PBX1: variants seen among roughly 807,000 people sequenced by gnomAD.
The protein encoded by PBX1 is pre-B-cell leukemia transcription factor 1.
Under a neutral mutation model 53.4 loss-of-function variants are expected in PBX1, and 6 were observed. The ratio of observed to expected loss-of-function variants is 0.11; its 90% confidence interval spans 0.06 to 0.22. The LOEUF is 0.22. Among genes scored for constraint, PBX1 ranks in the 10% least tolerant of loss-of-function variants. The probability of loss-of-function intolerance (pLI) is 1.00; values close to 1 mark genes in which losing one functional copy is unlikely to be tolerated. For synonymous variants in PBX1, 204 were observed against 212.3 expected (o/e 0.96, Z 0.34); for missense variants, 251 against 551.4 (o/e 0.46, Z 5.46).
At chr1:164,578,648 C>T (rs1425776321) in intron 2 of PBX1, among the ~76,000 whole-genome samples, 3 of 152,156 alleles carry the variant, frequency 2.0e-5, no homozygotes, top group Non-Finnish European at 4.4e-5. Context: ...GTCCATCACT[C>T]CCAAAGCCCA....
At chr1:164,574,438 C>T (rs1023787411) in intron 2 of PBX1, among the ~76,000 whole-genome samples, 7 of 152,328 alleles carry the variant, frequency 4.6e-5, no homozygotes, top group African/African-American at 1.7e-4. Flanking sequence ...GATCTGACTC[C>T]ATATTCCATG....
chr1:164,778,578 A>G (rs1329765429), intron 2 of PBX1, among the ~76,000 whole-genome samples: 1 of 151,840 alleles, frequency 6.6e-6, no homozygotes, highest in Admixed American at 6.6e-5. Context: ...TCGAGGCTGC[A>G]ATGAGCTGTG....
chr1:164,653,536 G>T (rs555687868), intron 2 of PBX1, among the ~76,000 whole-genome samples: 1 of 152,196 alleles, frequency 6.6e-6, no homozygotes, highest in African/African-American at 2.4e-5. Flanking sequence ...ACTTTTGGAG[G>T]CTGGGGTGGG....
In PBX1 at chr1:164,864,608, G is replaced by C. The variant is rs553293859; in HGVS notation, n.257+33125G>C. Among the ~76,000 whole-genome samples, 5 of 152,218 alleles carry C rather than the reference G, an allele frequency of 3.3e-5. 1 individual carries two copies. In the East Asian group the frequency reaches 9.7e-4, roughly 29 times the overall value. On this transcript the variant is annotated intron_variant and non_coding_transcript_variant, in intron 2 of 2. Coordinates refer to the PBX1 transcript ENST00000558796. ...GGGATGGCAGCCACCAGAGCAAACT[G>C]GGGGAGGGAAGGGTGAGGGGTTGCA... is the stretch of plus-strand genomic sequence containing the variant.
intron 2 of PBX1, among the ~76,000 whole-genome samples, chr1:164,754,679 ACGTG>A (rs1226679332): frequency 1.3e-5 from 2 of 152,042 alleles, no homozygotes; most frequent in African/African-American, 2.4e-5. Flanking sequence ...ACGTGCGTGC[ACGTG>A]CGTGCGTGTG....
chr1:164,572,007 A>G (rs371980551), intron 2 of PBX1, among the ~76,000 whole-genome samples: 6 of 148,450 alleles, frequency 4.0e-5, no homozygotes, highest in African/African-American at 1.5e-4. Flanking sequence ...CCCAGGTTCA[A>G]GCGATTCTCC....
chr1:164,817,182 C>T (rs1669915685), intron 6 of PBX1: 1 of 152,144 alleles, frequency 6.6e-6, no homozygotes, highest in Non-Finnish European at 1.5e-5. Flanking sequence ...TCAAAACAGC[C>T]TGCAGGTAAG....
intron 8 of PBX1, among the ~76,000 whole-genome samples, chr1:164,834,273 A>C (rs920888381): frequency 2.6e-5 from 4 of 151,488 alleles, no homozygotes; most frequent in African/African-American, 9.7e-5. Flanking sequence ...AAGGAGACCT[A>C]ATGCCTGTTC....
chr1:164,669,074 CCT>C (rs59696882), intron 2 of PBX1, among the ~76,000 whole-genome samples: 2,166 of 152,044 alleles, frequency 0.014, 48 homozygotes, highest in African/African-American at 0.05. Flanking sequence ...GTAACATTTT[CCT>C]CTTACCTCCC....
chr1:164,866,456 AACAG>A (rs1183034679), intron 2 of PBX1, among the ~76,000 whole-genome samples: 7 of 152,374 alleles, frequency 4.6e-5, no homozygotes, highest in South Asian at 2.1e-4. Flanking sequence ...ATAGGACAGC[AACAG>A]ACAAACTGTG....
chr1:164,588,182 G>A (rs1655083984), intron 2 of PBX1, among the ~76,000 whole-genome samples: 1 of 152,190 alleles, frequency 6.6e-6, no homozygotes, highest in Non-Finnish European at 1.5e-5. Flanking sequence ...GAGGTTCACA[G>A]AATGAAAGGC....
At position 164,848,988 on chromosome 1, in the gene PBX1, G is replaced by A. The variant is rs1456804409; in HGVS notation, c.*2312G>A. The A allele has an allele frequency of 8.7e-7, 1 of 1,148,452 alleles. No individual in the cohort carries two copies. The highest frequency in any genetic ancestry group is 3.6e-4 in the Middle Eastern group (1 of 2,770). The allele number at this position is 1,148,452 out of a possible 1,614,324, so 71.1% of individuals were successfully genotyped here. ...TGTCTACTAACTTCAGCCCTAATCA[G>A]AACAGATGCCTAGAAGGAGCATTTT... On this transcript the variant is annotated 3_prime_UTR_variant, in exon 9 of 9. Transcript: ENST00000420696.
At chr1:164,716,965 G>A (rs1664135409) in intron 2 of PBX1, among the ~76,000 whole-genome samples, 1 of 152,134 alleles carries the variant, frequency 6.6e-6, no homozygotes, top group Non-Finnish European at 1.5e-5. Flanking sequence ...GTGGTGGGGA[G>A]TTGATAGTTA....
intron 6 of PBX1, chr1:164,813,786 A>C (rs1571456920): frequency 6.6e-6 from 1 of 152,222 alleles, no homozygotes; most frequent in Non-Finnish European, 1.5e-5. Context: ...CTAAATTTGT[A>C]ACTATTTATT....
At chr1:164,765,372 A>G (rs1168300234) in intron 2 of PBX1, among the ~76,000 whole-genome samples, 1 of 152,198 alleles carries the variant, frequency 6.6e-6, no homozygotes, top group African/African-American at 2.4e-5. Context: ...AACACAGAAT[A>G]ATTTCTATTC....
intron 2 of PBX1, among the ~76,000 whole-genome samples, chr1:164,876,716 C>T (rs1159843275): frequency 6.6e-6 from 1 of 152,064 alleles, no homozygotes; most frequent in East Asian, 1.9e-4. Flanking sequence ...GAAGGCCTGA[C>T]CCTAGCTGTT....
intron 2 of PBX1, among the ~76,000 whole-genome samples, chr1:164,742,999 C>A (rs765557282): frequency 6.6e-6 from 1 of 152,318 alleles, no homozygotes; most frequent in Middle Eastern, 3.4e-3. Context: ...ACGATCCACT[C>A]TGCTGAAATG....
chr1:164,586,023 GAGA>G (rs1419408249), intron 2 of PBX1, among the ~76,000 whole-genome samples: 9 of 152,298 alleles, frequency 5.9e-5, no homozygotes, highest in African/African-American at 2.2e-4. Context: ...GTAAAAAAGA[GAGA>G]AGAACAACTG....
chr1:164,644,439 C>T (rs967872570), intron 2 of PBX1, among the ~76,000 whole-genome samples: 1 of 152,142 alleles, frequency 6.6e-6, no homozygotes, highest in African/African-American at 2.4e-5. Flanking sequence ...CATCTTAGGA[C>T]CCTAGACAGT....
Sources: allele counts gnomAD v4.1 joint callset (sites outside exome capture counted in the v4.1 genomes callset), GRCh38; gene constraint gnomAD v4.1.1; transcripts MANE v1.5; gene names NCBI Gene and HGNC (gene_info 2026-07-23, HGNC 2026-07-21).